The following RHOA variants were observed in gnomAD, a reference collection of about 807,000 sequenced individuals.
RHOA encodes the protein transforming protein RhoA.
Under a neutral mutation model 17.5 loss-of-function variants are expected in RHOA, and 3 were observed. The ratio of observed to expected loss-of-function variants is 0.17; its 90% CI spans 0.08 to 0.44. RHOA has a LOEUF of 0.44. Among genes scored for constraint, RHOA ranks in the 20% least tolerant of loss-of-function variants. The pLI is 0.99. For missense variants in RHOA, 56 were observed against 242.3 expected, an observed-to-expected ratio of 0.23 and a Z score of 5.10; for synonymous variants, 98 against 88.4, an observed-to-expected ratio of 1.11 and a Z score of -0.61.
intron 2 of RHOA, 54 bp downstream of exon 2, chr3:49,375,380 C>T (rs2107848753): frequency 6.5e-7 from 1 of 1,541,604 alleles, no homozygotes; most frequent in Non-Finnish European, 8.8e-7. Context: ...CTACATGCTC[C>T]ATAAATATTC....
chr3:49,403,543 T>A (rs2048762476), intron 1 of RHOA, among the ~76,000 whole-genome samples: 1 of 150,052 alleles, frequency 6.7e-6, no homozygotes, highest in South Asian at 2.1e-4. Context: ...GTGAGACCCC[T>A]CTCTCTACAA....
intron 1 of RHOA, among the ~76,000 whole-genome samples, chr3:49,388,716 A>G (rs2048443650): frequency 6.6e-6 from 1 of 152,194 alleles, no homozygotes; most frequent in African/African-American, 2.4e-5. Context: ...CAGCCCACTA[A>G]TAACTAATTT....
chr3:49,404,664 C>A (rs536312391), intron 1 of RHOA, among the ~76,000 whole-genome samples: 1 of 145,126 alleles, frequency 6.9e-6, no homozygotes, highest in Non-Finnish European at 1.5e-5. Flanking sequence ...CACGGTGGCT[C>A]ACGGCTGTAA....
intron 1 of RHOA, among the ~76,000 whole-genome samples, chr3:49,397,196 T>C (rs1251924629): frequency 1.4e-5 from 2 of 145,930 alleles, no homozygotes; most frequent in Non-Finnish European, 3.0e-5. Context: ...AAACATTGCA[T>C]AAATGAAAGA....
intron 1 of RHOA, among the ~76,000 whole-genome samples, chr3:49,389,108 G>C (rs762144093): frequency 1.3e-5 from 2 of 152,040 alleles, no homozygotes; most frequent in East Asian, 1.9e-4. Context: ...TTGGGAGGCC[G>C]AGGCGGGTGG....
rs573354750 is a variant in RHOA at position 49,360,506 on chromosome 3, C to T, written c.409-124G>A. 67 of 1,052,390 alleles carry T rather than the reference C, an allele frequency of 6.4e-5. No homozygotes were observed. The African/African-American group carries it at 7.3e-4, about 11-fold the overall frequency. 65.2% of individuals were successfully genotyped at this position (1,052,390 alleles called of 1,614,324 possible). A position where few individuals can be genotyped will look rare whatever the true frequency, so the allele number is the denominator to read the frequency against. Reference sequence around the variant, plus strand: ...TTTTGAGACAGTTTTGCTCGTCGGTCGCCCAGGCTGGAGGGCAATGGCATG... The same window carrying T: ...TTTTGAGACAGTTTTGCTCGTCGGTTGCCCAGGCTGGAGGGCAATGGCATG... On this transcript the variant is annotated intron_variant, in intron 4 of 4. Coordinates refer to ENST00000418115, the MANE Select transcript of RHOA (RefSeq NM_001664.4).
At chr3:49,397,345 C>T (rs2048634026) in intron 1 of RHOA, among the ~76,000 whole-genome samples, 1 of 151,942 alleles carries the variant, frequency 6.6e-6, no homozygotes, top group Non-Finnish European at 1.5e-5. Flanking sequence ...AGTTGAAGAA[C>T]ATAGGGTTTC....
intron 1 of RHOA, among the ~76,000 whole-genome samples, chr3:49,379,669 C>T (rs2048286044): frequency 1.3e-5 from 2 of 152,090 alleles, no homozygotes; most frequent in Admixed American, 1.3e-4. Context: ...TGCATGCCAC[C>T]ACACCCGGCT....
chr3:49,369,006 CTTTTTTTTTTTTTTTTTTTTT>C (rs1160140765), intron 2 of RHOA, among the ~76,000 whole-genome samples: 1 of 59,706 alleles, frequency 1.7e-5, no homozygotes, highest in Non-Finnish European at 2.8e-5. Flanking sequence ...CGCGCCTGGC[CTTTTTTTTTTTTTTTTTTTTT>C]TTTTTTTTTT....
intron 2 of RHOA, among the ~76,000 whole-genome samples, chr3:49,370,440 A>G (rs2107842058): frequency 6.6e-6 from 1 of 152,336 alleles, no homozygotes. Context: ...GCGAGAGAGG[A>G]AGATACAAGA....
chr3:49,385,141 C>G (rs1452725182), intron 1 of RHOA, among the ~76,000 whole-genome samples: 2 of 151,708 alleles, frequency 1.3e-5, no homozygotes, highest in Non-Finnish European at 2.9e-5. Flanking sequence ...CTCCTAGCCT[C>G]AAGTGATTCT....
At chr3:49,402,571 G>C (rs2048743508) in intron 1 of RHOA, among the ~76,000 whole-genome samples, 1 of 151,968 alleles carries the variant, frequency 6.6e-6, no homozygotes, top group South Asian at 2.1e-4. Context: ...ATGCTCATGA[G>C]GCTGAGGCAG....
chr3:49,389,131 C>G (rs2048452933), intron 1 of RHOA, among the ~76,000 whole-genome samples: 2 of 151,182 alleles, frequency 1.3e-5, no homozygotes, highest in South Asian at 4.2e-4. Context: ...CACCTGAAGT[C>G]AGGAGTTCAA....
chr3:49,388,905 CG>C, intron 1 of RHOA, among the ~76,000 whole-genome samples: 1 of 152,216 alleles, frequency 6.6e-6, no homozygotes, highest in Admixed American at 6.5e-5. Context: ...CAATAAGGAA[CG>C]AAGTACAGTA....
At chr3:49,395,402 T>G (rs1015815456) in intron 1 of RHOA, among the ~76,000 whole-genome samples, 5 of 151,940 alleles carry the variant, frequency 3.3e-5, no homozygotes, top group African/African-American at 1.2e-4. Context: ...CACAATCAGG[T>G]CTGTAATTAA....
intron 1 of RHOA, among the ~76,000 whole-genome samples, chr3:49,380,716 TAATA>T (rs2048302855): frequency 2.7e-5 from 3 of 112,138 alleles, no homozygotes; most frequent in South Asian, 6.3e-4. Context: ...ATAATAATAA[TAATA>T]AATACTCATT....
chr3:49,369,422 C>T (rs1288930774), intron 2 of RHOA, among the ~76,000 whole-genome samples: 1 of 151,840 alleles, frequency 6.6e-6, no homozygotes, highest in African/African-American at 2.4e-5. Context: ...CCCACCTCTA[C>T]AAAAACACCT....
chr3:49,395,895 T>C (rs1365375324), intron 1 of RHOA, among the ~76,000 whole-genome samples: 2 of 152,026 alleles, frequency 1.3e-5, no homozygotes, highest in Non-Finnish European at 2.9e-5. Flanking sequence ...CTCACAAACA[T>C]TTCCCCACAG....
At position 49,383,313 on chromosome 3, in the gene RHOA, G is replaced by A. The variant is rs548239316; in HGVS notation, c.-2-7722C>T. Among the ~76,000 whole-genome samples, 414 of 151,530 alleles carry A rather than the reference G, an allele frequency of 2.7e-3. 2 individuals are homozygous for A. The highest frequency in any genetic ancestry group is 4.4e-3 in the Non-Finnish European group (297 of 67,890). ...CAGGCGCCTGTAGTCCCAGCTACTC[G>A]GGAGGCTGAGGCAGGAGAATGGCGT... On this transcript the variant is annotated intron_variant, in intron 1 of 4. Transcript: ENST00000418115.
Sources: allele counts gnomAD v4.1 joint callset (sites outside exome capture counted in the v4.1 genomes callset), GRCh38; gene constraint gnomAD v4.1.1; transcripts MANE v1.5; gene names NCBI Gene and HGNC (gene_info 2026-07-23, HGNC 2026-07-21).